The following COPE variants were observed in gnomAD, a reference collection of about 807,000 sequenced individuals.
The protein encoded by COPE is coatomer subunit epsilon.
Under a neutral mutation model 42.1 loss-of-function variants are expected in COPE, and 19 were observed. That is an observed-to-expected ratio of 0.45 (90% CI 0.31 to 0.66). COPE has a LOEUF of 0.66. Among genes scored for constraint, COPE ranks in the 30% least tolerant of loss-of-function variants. The probability of loss-of-function intolerance (pLI) is 0.05; values close to 1 mark genes in which losing one functional copy is unlikely to be tolerated. For synonymous variants in COPE, 195 were observed against 181.3 expected, an observed-to-expected ratio of 1.08 and a Z score of -0.60; for missense variants, 402 against 416.1, an observed-to-expected ratio of 0.97 and a Z score of 0.30.
At position 18,912,137 on chromosome 19, in the gene COPE, G is replaced by A. The variant is rs914627837; in HGVS notation, c.189+847C>T. On this transcript the variant is annotated intron_variant, in intron 2 of 9. Transcript: ENST00000262812. ...GCTGGGATTACAGGCGTGAACCACC[G>A]GGCCCAGCCCCCATTCTTATTTTTT... Among the ~76,000 whole-genome samples, 34 of 152,064 alleles carry A rather than the reference G, an allele frequency of 2.2e-4. 1 individual carries two copies. The highest frequency in any genetic ancestry group is 5.8e-4 in the East Asian group (3 of 5,140).
intron 2 of COPE, 69 bp downstream of exon 2, chr19:18,912,915 C>T: frequency 6.6e-7 from 1 of 1,512,416 alleles, no homozygotes; most frequent in Non-Finnish European, 9.1e-7. Context: ...CTCTGTGGTG[C>T]CTTCCTGTCC....
chr19:18,902,350 A>C (rs1298434664), intron 7 of COPE, among the ~76,000 whole-genome samples: 1 of 150,834 alleles, frequency 6.6e-6, no homozygotes, highest in Non-Finnish European at 1.5e-5. Flanking sequence ...TTTTAATTTA[A>C]CATAACATAA....
chr19:18,901,100 G>C (rs1052774773), intron 7 of COPE, among the ~76,000 whole-genome samples: 19 of 152,224 alleles, frequency 1.2e-4, no homozygotes, highest in African/African-American at 4.1e-4. Context: ...GCCATGAGGT[G>C]GCTCCAAAGG....
chr19:18,910,782 C>T, intron 3 of COPE, 189 bp downstream of exon 3: 1 of 609,462 alleles, frequency 1.6e-6, no homozygotes, highest in Non-Finnish European at 3.0e-6. Flanking sequence ...CAGGATCCAT[C>T]ACCAGCCCCC....
chr19:18,912,865 A>G, intron 2 of COPE, 119 bp downstream of exon 2: 2 of 925,402 alleles, frequency 2.2e-6, no homozygotes, highest in Non-Finnish European at 3.4e-6. Context: ...TGAACACTGC[A>G]GGCCTGGGTC....
chr19:18,899,995 G>A (rs369094215), intron 8 of COPE, 48 bp from the exon 9 acceptor site: 150 of 1,556,742 alleles, frequency 9.6e-5, no homozygotes, highest in African/African-American at 5.8e-4. Flanking sequence ...GGGACCCCAC[G>A]GTGGCTCTGA....
chr19:18,916,807 A>C (rs1442526903), intron 1 of COPE, among the ~76,000 whole-genome samples: 2 of 151,158 alleles, frequency 1.3e-5, no homozygotes, highest in Non-Finnish European at 2.9e-5. Context: ...AAAACAAAAA[A>C]AAAATTAGCT....
intron 2 of COPE, 50 bp downstream of exon 2, chr19:18,912,934 A>G: frequency 1.3e-5 from 21 of 1,588,628 alleles, no homozygotes; most frequent in Non-Finnish European, 1.7e-5. Flanking sequence ...CCCCAGCCCC[A>G]CCCTCTACTC....
At chr19:18,902,267 T>C (rs1215033841) in intron 7 of COPE, among the ~76,000 whole-genome samples, 1 of 151,430 alleles carries the variant, frequency 6.6e-6, no homozygotes, top group Non-Finnish European at 1.5e-5. Context: ...GACGATCACT[T>C]GAGGCCAGGA....
At chr19:18,910,723 A>G (rs552167008) in intron 3 of COPE, 29 of 563,298 alleles carry the variant, frequency 5.1e-5, no homozygotes, top group African/African-American at 4.1e-4. Context: ...CTTGTGGTCC[A>G]TGAGGGCGTG....
intron 6 of COPE, among the ~76,000 whole-genome samples, chr19:18,904,066 A>G (rs2056735090): frequency 2.0e-5 from 3 of 152,208 alleles, no homozygotes. Context: ...CCCGGGTTCA[A>G]GCGATTCTCC....
chr19:18,901,682 A>T (rs11668517), intron 7 of COPE, among the ~76,000 whole-genome samples: 3,963 of 152,364 alleles, frequency 0.026, 79 homozygotes, highest in South Asian at 0.053. Flanking sequence ...TCATCCCAGC[A>T]CTTTAGAAGG....
chr19:18,903,159 C>G, intron 7 of COPE, 109 bp downstream of exon 7: 1 of 1,194,730 alleles, frequency 8.4e-7, no homozygotes, highest in Non-Finnish European at 1.1e-6. Context: ...TGTGGGGCCA[C>G]ACGCACACCC....
At chr19:18,899,800 G>C in intron 9 of COPE, 73 bp downstream of exon 9, 1 of 1,607,666 alleles carries the variant, frequency 6.2e-7, no homozygotes, top group South Asian at 1.1e-5. Flanking sequence ...GAGAGAGGGC[G>C]CATGTGAGCC....
intron 1 of COPE, 50 bp downstream of exon 1, chr19:18,919,173 G>A: frequency 1.3e-6 from 2 of 1,566,288 alleles, no homozygotes; most frequent in Non-Finnish European, 1.7e-6. Flanking sequence ...CCACCAGAAA[G>A]CGTCCTCCGC....
In COPE at chr19:18,903,347, A is replaced by C; in HGVS notation, c.656T>G (p.Leu219Arg). 1 of 1,612,624 alleles carries C rather than the reference A, an allele frequency of 6.2e-7. No individual in the cohort carries two copies. The highest frequency in any genetic ancestry group is 8.5e-7 in the Non-Finnish European group (1 of 1,179,512). ...ADKCSPTLLL[L>R]NGQAACHMAQ... ...CATGTGGCAGGCCGCCTGCCCATTG[A>C]GCAGCAGCAGGGTGGGCGAGCACTT... Residue 219 changes from leucine to arginine, a missense_variant, in exon 7 of 10, where the codon CTC becomes CGC. By Grantham distance (102) the Leu-to-Arg change is moderately radical. Transcript: ENST00000262812.
rs757887908 is a variant in COPE at position 18,903,262 on chromosome 19, G to A, written c.735+6C>T. 2 of 1,582,138 alleles carry A rather than the reference G, an allele frequency of 1.3e-6. No homozygotes were observed. Among genetic ancestry groups the A allele is most frequent in the Admixed American group, 1.8e-5 (1 of 55,912 alleles). On this transcript the variant is annotated splice_donor_region_variant and intron_variant, in intron 7 of 9. Coordinates refer to ENST00000262812, the MANE Select transcript of COPE (RefSeq NM_007263.4). ...CGTCCCCACTCTGGGACAGGCTTGT[G>A]CCTACCTTGTCTAGCGCCTCCTGCA...
At chr19:18,918,204 G>GAAA (rs61215847) in intron 1 of COPE, among the ~76,000 whole-genome samples, 3 of 113,446 alleles carry the variant, frequency 2.6e-5, no homozygotes, top group Admixed American at 1.1e-4. Context: ...AAAAAAAAAA[G>GAAA]AAAAGAAAAG....
At chr19:18,913,337 C>T (rs377688135) in intron 1 of COPE, among the ~76,000 whole-genome samples, 17 of 152,252 alleles carry the variant, frequency 1.1e-4, no homozygotes, top group Admixed American at 1.1e-3. Context: ...GGCACCCGCA[C>T]CTCTAACCTC....
Sources: gnomAD v4.1 joint callset for allele counts (sites outside exome capture counted in the v4.1 genomes callset) on GRCh38, gnomAD v4.1.1 for gene constraint, MANE v1.5 for transcripts, NCBI Gene and HGNC (gene_info 2026-07-23, HGNC 2026-07-21) for gene names.